The following EIF3E variants were observed in gnomAD, a reference collection of about 807,000 sequenced individuals.
EIF3E encodes eukaryotic translation initiation factor 3 subunit E.
Under a neutral mutation model 59.3 loss-of-function variants are expected in EIF3E, and 25 were observed. That is an observed-to-expected ratio of 0.42 (90% CI 0.31 to 0.59). The LOEUF is 0.59. Among genes scored for constraint, EIF3E ranks in the 20% least tolerant of loss-of-function variants. EIF3E has a pLI of 0.15. For synonymous variants in EIF3E, 176 were observed against 170.2 expected, an observed-to-expected ratio of 1.03 and a Z score of -0.26; for missense variants, 317 against 534.3, an observed-to-expected ratio of 0.59 and a Z score of 4.01.
chr8:108,229,758 T>C (rs1815586634), intron 5 of EIF3E, among the ~76,000 whole-genome samples: 1 of 152,188 alleles, frequency 6.6e-6, no homozygotes, highest in Non-Finnish European at 1.5e-5. Context: ...TACAAGTTAG[T>C]GTTCTCCTGT....
chr8:108,216,572 C>T (rs1815310155), intron 8 of EIF3E, 59 bp from the exon 9 acceptor site: 2 of 1,092,398 alleles, frequency 1.8e-6, no homozygotes, highest in Non-Finnish European at 2.7e-6. Flanking sequence ...AGCAGATTGC[C>T]CCAGAATATC....
intron 1 of EIF3E, among the ~76,000 whole-genome samples, chr8:108,245,618 T>G (rs951134208): frequency 2.0e-5 from 3 of 152,232 alleles, no homozygotes; most frequent in African/African-American, 7.2e-5. Context: ...TAAAAGAATC[T>G]GCTCTGACTG....
chr8:108,216,533 GTCAAGGTAAGTCTGAT>G lies in EIF3E; in HGVS notation c.850-36_850-21del. The G allele has an allele frequency of 6.6e-7, 1 of 1,505,662 alleles. No individual in the cohort carries two copies. The highest frequency in any genetic ancestry group is 9.2e-7 in the Non-Finnish European group (1 of 1,090,974). 93.3% of individuals were successfully genotyped at this position (1,505,662 alleles called of 1,614,324 possible). On this transcript the variant is annotated intron_variant, in intron 8 of 12. Coordinates refer to ENST00000220849, the MANE Select transcript of EIF3E (RefSeq NM_001568.3). ...AGACTCCTGTAAAAATAAGTCAACGGTCAAGGTAAGTCTGATTCAACATTGTTTAGCAGATTGCCCC... is the reference window on the plus strand; with the variant it reads ...AGACTCCTGTAAAAATAAGTCAACGGTCAACATTGTTTAGCAGATTGCCCC...
chr8:108,246,675 T>C (rs982740351), intron 1 of EIF3E, among the ~76,000 whole-genome samples: 1 of 152,136 alleles, frequency 6.6e-6, no homozygotes, highest in African/African-American at 2.4e-5. Context: ...CCACTTCCTC[T>C]ACTTCTTCCA....
chr8:108,236,229 ATTATT>A (rs1228950044), intron 3 of EIF3E, 26 bp from the exon 4 acceptor site: 49 of 1,593,822 alleles, frequency 3.1e-5, no homozygotes, highest in Non-Finnish European at 3.9e-5. Flanking sequence ...CAAAAATTAC[ATTATT>A]TTAAAGGCCA....
chr8:108,204,997 C>T (rs1005208072), intron 10 of EIF3E, among the ~76,000 whole-genome samples: 15 of 151,874 alleles, frequency 9.9e-5, no homozygotes, highest in Non-Finnish European at 1.9e-4. Context: ...AAGTCAGTTC[C>T]GCTGATGGAA....
At chr8:108,233,150 G>A (rs763959217) in intron 5 of EIF3E, among the ~76,000 whole-genome samples, 18 of 152,174 alleles carry the variant, frequency 1.2e-4, no homozygotes, top group Non-Finnish European at 2.6e-4. Flanking sequence ...GCACTTGCAA[G>A]TGAACCACAG....
chr8:108,223,632 T>G (rs1019911491), intron 7 of EIF3E, among the ~76,000 whole-genome samples: 4 of 152,214 alleles, frequency 2.6e-5, no homozygotes, highest in Non-Finnish European at 5.9e-5. Flanking sequence ...GGGCATTGTA[T>G]TACAAATGGA....
At chr8:108,222,464 G>A (rs113833230) in intron 7 of EIF3E, among the ~76,000 whole-genome samples, 2,646 of 152,268 alleles carry the variant, frequency 0.017, 39 homozygotes, top group Non-Finnish European at 0.028. Context: ...TAGGAGTGGA[G>A]ATTAGAGGTG....
At chr8:108,218,493 A>C (rs536860) in intron 7 of EIF3E, among the ~76,000 whole-genome samples, 76,247 of 151,982 alleles carry the variant, frequency 0.5, 19,186 homozygotes, top group African/African-American at 0.58. Context: ...ACACTTAATA[A>C]TATCTAGTCC....
At chr8:108,214,751 T>G (rs773215328) in intron 9 of EIF3E, 35 bp from the exon 10 acceptor site, 1 of 1,549,306 alleles carries the variant, frequency 6.5e-7, no homozygotes, top group Admixed American at 2.0e-5. Context: ...TTAATGATGC[T>G]GACAAGCAAT....
intron 1 of EIF3E, among the ~76,000 whole-genome samples, chr8:108,246,655 G>C (rs748697456): frequency 2.6e-5 from 4 of 151,834 alleles, no homozygotes; most frequent in Non-Finnish European, 4.4e-5. Context: ...TGCCTTTCCT[G>C]ACTTCCCATC....
intron 10 of EIF3E, among the ~76,000 whole-genome samples, chr8:108,204,912 T>G (rs1815071331): frequency 1.3e-5 from 2 of 152,048 alleles, no homozygotes; most frequent in Admixed American, 1.3e-4. Context: ...TCCAATTTTA[T>G]GATCAGGTTG....
chr8:108,221,853 G>C (rs73306519), intron 7 of EIF3E, among the ~76,000 whole-genome samples: 3,175 of 151,678 alleles, frequency 0.021, 126 homozygotes, highest in African/African-American at 0.073. Flanking sequence ...AAAAAGTTAT[G>C]AACACTAAAA....
At chr8:108,240,310 G>A (rs1183618611) in intron 2 of EIF3E, among the ~76,000 whole-genome samples, 2 of 152,112 alleles carry the variant, frequency 1.3e-5, no homozygotes, top group Non-Finnish European at 2.9e-5. Flanking sequence ...TACTCTTGAG[G>A]GAAACTAGAG....
intron 8 of EIF3E, 73 bp from the exon 9 acceptor site, chr8:108,216,586 A>G: frequency 2.0e-6 from 2 of 1,010,642 alleles, no homozygotes; most frequent in Non-Finnish European, 3.0e-6. Context: ...GAATATCCCA[A>G]TCTTCTTGTT....
intron 9 of EIF3E, among the ~76,000 whole-genome samples, chr8:108,215,479 G>A (rs926656923): frequency 1.2e-4 from 18 of 152,022 alleles, no homozygotes; most frequent in Non-Finnish European, 2.2e-4. Flanking sequence ...TTAACCGGGC[G>A]TGGTGGTGGG....
At chr8:108,233,464 A>C (rs1355155323) in intron 5 of EIF3E, 6 of 154,114 alleles carry the variant, frequency 3.9e-5, no homozygotes, top group African/African-American at 1.4e-4. Flanking sequence ...AAGTAAAGGC[A>C]AAAAGAAACA....
chr8:108,203,397 T>C lies in EIF3E; in HGVS notation c.1164+4A>G. The stretch of plus-strand genomic sequence containing the variant: ...GTATGTAGCATAGCTAACATAATAC[T>C]CACTAATTTAGAATCAATCTTGGCA... On this transcript the variant is annotated splice_donor_region_variant and intron_variant, in intron 11 of 12. Coordinates refer to ENST00000220849, the MANE Select transcript of EIF3E (RefSeq NM_001568.3). 6.2e-7 allele frequency: 1 copy of C among 1,609,312 alleles called. No homozygotes were observed. The highest frequency in any genetic ancestry group is 8.5e-7 in the Non-Finnish European group (1 of 1,176,848).
Sources: gnomAD v4.1 joint callset for allele counts (sites outside exome capture counted in the v4.1 genomes callset) on GRCh38, gnomAD v4.1.1 for gene constraint, MANE v1.5 for transcripts, NCBI Gene and HGNC (gene_info 2026-07-23, HGNC 2026-07-21) for gene names.